The following PSD3 variants were observed in gnomAD, a reference collection of about 807,000 sequenced individuals.
PSD3 encodes pleckstrin and Sec7 domain containing 3.
PSD3 carries 49 observed loss-of-function variants against 105.5 expected under a neutral mutation model. The ratio of observed to expected loss-of-function variants is 0.46; its 90% CI spans 0.37 to 0.59. The LOEUF is 0.59. Among genes scored for constraint, PSD3 ranks in the 20% least tolerant of loss-of-function variants. PSD3 has a pLI of 0.00. For missense variants in PSD3, 1,561 were observed against 1,263.8 expected (o/e 1.24, Z -3.57); for synonymous variants, 557 against 457.8 (o/e 1.22, Z -2.77).
At chr8:18,853,542 GA>G (rs899205937) in intron 4 of PSD3, among the ~76,000 whole-genome samples, 146 of 147,808 alleles carry the variant, frequency 9.9e-4, no homozygotes, top group South Asian at 3.7e-3. Context: ...GCTCCAGGGG[GA>G]AAAAAAAAAC....
intron 8 of PSD3, among the ~76,000 whole-genome samples, chr8:18,779,248 C>T (rs557134955): frequency 2.0e-5 from 3 of 152,066 alleles, no homozygotes; most frequent in Non-Finnish European, 2.9e-5. Flanking sequence ...CAGTTGTTCA[C>T]GATAGTCTCT....
chr8:18,951,159 C>T (rs867006479), intron 1 of PSD3, among the ~76,000 whole-genome samples: 1 of 152,106 alleles, frequency 6.6e-6, no homozygotes, highest in Non-Finnish European at 1.5e-5. Context: ...CTTTGGGAGG[C>T]CGTGGTGGGA....
At chr8:18,978,348 G>A (rs576011731) in intron 1 of PSD3, among the ~76,000 whole-genome samples, 1 of 152,302 alleles carries the variant, frequency 6.6e-6, no homozygotes, top group South Asian at 2.1e-4. Context: ...TTTGCATGAT[G>A]ACTTCTCTTA....
At chr8:18,656,393 G>A (rs1429339300) in intron 9 of PSD3, among the ~76,000 whole-genome samples, 1 of 151,026 alleles carries the variant, frequency 6.6e-6, no homozygotes, top group Non-Finnish European at 1.5e-5. Flanking sequence ...AAATAGAATT[G>A]TTTTCATGGC....
At chr8:18,825,885 G>A (rs1384874754) in intron 4 of PSD3, among the ~76,000 whole-genome samples, 1 of 152,154 alleles carries the variant, frequency 6.6e-6, no homozygotes, top group African/African-American at 2.4e-5. Context: ...AAGGTCCTGG[G>A]ATGGTTAATT....
chr8:19,082,567 C>G (rs971043970), intron 1 of PSD3, among the ~76,000 whole-genome samples: 1 of 152,162 alleles, frequency 6.6e-6, no homozygotes, highest in African/African-American at 2.4e-5. Context: ...TGTCGGGGTC[C>G]CATTTGCAGC....
At chr8:18,587,096 G>T (rs1803245874) in intron 12 of PSD3, among the ~76,000 whole-genome samples, 2 of 152,132 alleles carry the variant, frequency 1.3e-5, no homozygotes, top group Non-Finnish European at 1.5e-5. Flanking sequence ...CTGAAGAAGG[G>T]AAGAAGAAGG....
At chr8:18,768,943 A>G (rs1407276127) in intron 8 of PSD3, among the ~76,000 whole-genome samples, 2 of 152,228 alleles carry the variant, frequency 1.3e-5, no homozygotes, top group Non-Finnish European at 2.9e-5. Context: ...AAATAAATTA[A>G]ATCTGCAGTT....
At chr8:18,644,760 T>C (rs1807906643) in intron 10 of PSD3, among the ~76,000 whole-genome samples, 1 of 152,206 alleles carries the variant, frequency 6.6e-6, no homozygotes, top group Non-Finnish European at 1.5e-5. Flanking sequence ...TTTCAGCTTA[T>C]TGTTATAGCA....
At chr8:18,755,429 CAACATAACAT>C (rs372407715) in intron 9 of PSD3, among the ~76,000 whole-genome samples, 447 of 136,876 alleles carry the variant, frequency 3.3e-3, no homozygotes, top group African/African-American at 9.9e-3. Flanking sequence ...GACCCTGTCT[CAACATAACAT>C]AACATAACAT....
chr8:18,919,855 T>TG (rs1820883597), intron 2 of PSD3, among the ~76,000 whole-genome samples: 1 of 41,964 alleles, frequency 2.4e-5, no homozygotes, highest in South Asian at 8.5e-4. Context: ...TGTGGTGGGG[T>TG]GGGGGGAGGG....
chr8:18,550,524 G>A (rs906060701), intron 15 of PSD3, among the ~76,000 whole-genome samples: 4 of 152,020 alleles, frequency 2.6e-5, no homozygotes, highest in Admixed American at 6.6e-5. Context: ...TGAAAATATC[G>A]TAAGTCAAAA....
intron 9 of PSD3, among the ~76,000 whole-genome samples, chr8:18,677,256 C>A (rs1485859282): frequency 6.6e-6 from 1 of 152,148 alleles, no homozygotes; most frequent in Non-Finnish European, 1.5e-5. Flanking sequence ...GTAACAAAAA[C>A]CATTGTCACT....
At chr8:18,805,873 T>C (rs572082670) in intron 4 of PSD3, among the ~76,000 whole-genome samples, 8 of 152,340 alleles carry the variant, frequency 5.3e-5, no homozygotes, top group African/African-American at 1.7e-4. Context: ...ATCAGCTGTT[T>C]TCCTTAAAGT....
chr8:19,052,546 T>C (rs912689883), intron 1 of PSD3, among the ~76,000 whole-genome samples: 3 of 151,812 alleles, frequency 2.0e-5, no homozygotes, highest in African/African-American at 7.3e-5. Flanking sequence ...GAGCTGAGAA[T>C]TGGTTTAGTC....
chr8:18,617,252 C>T (rs754162934), intron 11 of PSD3, among the ~76,000 whole-genome samples: 49 of 152,018 alleles, frequency 3.2e-4, no homozygotes, highest in Non-Finnish European at 5.0e-4. Context: ...TTCTACTGGC[C>T]GGGCATGGTC....
intron 9 of PSD3, among the ~76,000 whole-genome samples, chr8:18,752,711 T>G (rs1163578491): frequency 8.1e-6 from 1 of 122,916 alleles, no homozygotes; most frequent in African/African-American, 3.1e-5. Context: ...ATATAATATA[T>G]ATATATTTTT....
chr8:18,963,754 T>A (rs1321429430), intron 1 of PSD3, among the ~76,000 whole-genome samples: 1 of 152,236 alleles, frequency 6.6e-6, no homozygotes, highest in East Asian at 1.9e-4. Flanking sequence ...AATAGCAATA[T>A]TTTAAGACTT....
intron 8 of PSD3, among the ~76,000 whole-genome samples, chr8:18,777,232 A>C (rs1184636460): frequency 6.6e-6 from 1 of 151,962 alleles, no homozygotes; most frequent in South Asian, 2.1e-4. Flanking sequence ...TAGTAGAGAC[A>C]GGGTTTCACC....
Sources: allele counts gnomAD v4.1 joint callset (sites outside exome capture counted in the v4.1 genomes callset), GRCh38; gene constraint gnomAD v4.1.1; transcripts MANE v1.5; gene names NCBI Gene and HGNC (gene_info 2026-07-23, HGNC 2026-07-21).